The following RARB variants were observed in gnomAD, a reference collection of about 807,000 sequenced individuals.
RARB encodes retinoic acid receptor beta.
Under a neutral mutation model 51.9 loss-of-function variants are expected in RARB, and 17 were observed. The ratio of observed to expected loss-of-function variants is 0.33; its 90% CI spans 0.22 to 0.49. RARB has a LOEUF of 0.49. Among genes scored for constraint, RARB ranks in the 20% least tolerant of loss-of-function variants. The probability of loss-of-function intolerance (pLI) is 0.99; values close to 1 mark genes in which losing one functional copy is unlikely to be tolerated. For missense variants in RARB, 369 were observed against 550.8 expected (o/e 0.67, Z 3.30); for synonymous variants, 215 against 195.4 (o/e 1.10, Z -0.84).
intron 5 of RARB, among the ~76,000 whole-genome samples, chr3:25,251,869 A>T (rs969523682): frequency 6.6e-6 from 1 of 152,122 alleles, no homozygotes; most frequent in Non-Finnish European, 1.5e-5. Flanking sequence ...ATTTTGAAAA[A>T]GTGCAATTTA....
At chr3:25,345,108 G>A (rs916722941) in intron 5 of RARB, among the ~76,000 whole-genome samples, 18 of 152,156 alleles carry the variant, frequency 1.2e-4, no homozygotes, top group African/African-American at 3.1e-4. Flanking sequence ...ATCTGTGGGT[G>A]TTGATTTTCT....
intron 3 of RARB, among the ~76,000 whole-genome samples, chr3:25,512,284 C>T (rs1243920547): frequency 6.6e-6 from 1 of 152,134 alleles, no homozygotes; most frequent in Non-Finnish European, 1.5e-5. Flanking sequence ...TCCTTCCGAC[C>T]CAGTGGTCCC....
At chr3:25,539,532 C>CTCTT (rs750401243) in intron 3 of RARB, among the ~76,000 whole-genome samples, 1 of 102,426 alleles carries the variant, frequency 9.8e-6, no homozygotes. Context: ...CTCTCTCTCT[C>CTCTT]TTTTTTTTTT....
chr3:25,308,790 T>C (rs1278433932), intron 5 of RARB, among the ~76,000 whole-genome samples: 2 of 152,162 alleles, frequency 1.3e-5, no homozygotes, highest in East Asian at 3.9e-4. Flanking sequence ...TCCAATTTAC[T>C]TTTTTTGTTC....
intron 5 of RARB, among the ~76,000 whole-genome samples, chr3:25,255,131 AG>A (rs1443685980): frequency 6.6e-6 from 1 of 152,174 alleles, no homozygotes; most frequent in Non-Finnish European, 1.5e-5. Flanking sequence ...TTTCTTTACT[AG>A]GCATGAGCAT....
At chr3:25,284,789 C>G (rs1703609513) in intron 5 of RARB, among the ~76,000 whole-genome samples, 1 of 152,164 alleles carries the variant, frequency 6.6e-6, no homozygotes, top group South Asian at 2.1e-4. Flanking sequence ...CAAGCAAACA[C>G]AAATCAAAAA....
chr3:25,007,510 C>G (rs1697297033), intron 2 of RARB, among the ~76,000 whole-genome samples: 1 of 145,154 alleles, frequency 6.9e-6, no homozygotes, highest in Non-Finnish European at 1.5e-5. Flanking sequence ...ACCTGTAATC[C>G]CAGCTACCTG....
chr3:25,234,540 T>G (rs2125392293), intron 5 of RARB, among the ~76,000 whole-genome samples: 1 of 152,270 alleles, frequency 6.6e-6, no homozygotes, highest in South Asian at 2.1e-4. Flanking sequence ...ATATCATTTC[T>G]TTCTTTCTTT....
chr3:25,579,259 G>T (rs1389525553), intron 4 of RARB, among the ~76,000 whole-genome samples: 1 of 152,094 alleles, frequency 6.6e-6, no homozygotes, highest in African/African-American at 2.4e-5. Flanking sequence ...TTTTTTAAAG[G>T]TATAGTTTGA....
intron 1 of RARB, among the ~76,000 whole-genome samples, chr3:24,835,545 C>T (rs1290664439): frequency 1.3e-5 from 2 of 152,104 alleles, no homozygotes; most frequent in African/African-American, 4.8e-5. Context: ...GCATTTATTA[C>T]TCACACCCAG....
intron 5 of RARB, among the ~76,000 whole-genome samples, chr3:25,350,625 A>C (rs1156975559): frequency 6.6e-6 from 1 of 151,878 alleles, no homozygotes; most frequent in African/African-American, 2.4e-5. Context: ...CAAATGTAAA[A>C]CTCCCAGGGG....
chr3:25,149,980 T>A (rs1403462320), intron 4 of RARB, among the ~76,000 whole-genome samples: 1 of 152,054 alleles, frequency 6.6e-6, no homozygotes, highest in African/African-American at 2.4e-5. Flanking sequence ...GGTAGGTGGA[T>A]CACCTGAGGT....
chr3:25,440,689 C>G (rs1338518739), intron 1 of RARB, among the ~76,000 whole-genome samples: 2 of 151,996 alleles, frequency 1.3e-5, no homozygotes, highest in Non-Finnish European at 2.9e-5. Context: ...AGGAGAATCG[C>G]TTGAACCGGG....
At chr3:24,995,553 A>T (rs1697003115) in intron 2 of RARB, among the ~76,000 whole-genome samples, 1 of 152,096 alleles carries the variant, frequency 6.6e-6, no homozygotes, top group Admixed American at 6.6e-5. Context: ...TTCAGTTCTT[A>T]GAGGAAAATC....
At chr3:24,928,716 G>A (rs770997722) in intron 2 of RARB, among the ~76,000 whole-genome samples, 29 of 152,006 alleles carry the variant, frequency 1.9e-4, no homozygotes, top group Non-Finnish European at 3.2e-4. Flanking sequence ...ACAGATACTT[G>A]GGGATAATTC....
intron 2 of RARB, among the ~76,000 whole-genome samples, chr3:24,894,713 A>G (rs999195306): frequency 3.3e-5 from 5 of 152,244 alleles, no homozygotes; most frequent in Non-Finnish European, 5.9e-5. Context: ...ATGACAAAAC[A>G]ATACCAATAT....
intron 3 of RARB, among the ~76,000 whole-genome samples, chr3:25,541,157 G>C (rs901102995): frequency 4.6e-5 from 7 of 152,192 alleles, no homozygotes; most frequent in Non-Finnish European, 1.0e-4. Context: ...TTGTGACAGA[G>C]ATGGTATGAC....
rs1696290623 is a variant in RARB at position 24,967,046 on chromosome 3, T to C, written c.-379-93079T>C. 2.0e-5 allele frequency among the ~76,000 whole-genome samples: 3 copies of C among 152,162 alleles called. No individual in the cohort carries two copies. The South Asian group carries it at 6.2e-4, about 32-fold the overall frequency. Reference sequence around the variant, plus strand: ...TTTTATTTACTTTGTGTAGTTTTATTTACTGATTTGAATTAGATACATATA... The same window carrying C: ...TTTTATTTACTTTGTGTAGTTTTATCTACTGATTTGAATTAGATACATATA... On this transcript the variant is annotated intron_variant, in intron 2 of 11. Transcript: ENST00000383772.
intron 4 of RARB, among the ~76,000 whole-genome samples, chr3:25,141,506 T>C (rs1305105100): frequency 6.6e-6 from 1 of 152,106 alleles, no homozygotes; most frequent in Non-Finnish European, 1.5e-5. Flanking sequence ...TCCATGGAAA[T>C]CTTGCCTCCC....
Sources: gnomAD v4.1 joint callset for allele counts (sites outside exome capture counted in the v4.1 genomes callset) on GRCh38, gnomAD v4.1.1 for gene constraint, MANE v1.5 for transcripts, NCBI Gene and HGNC (gene_info 2026-07-23, HGNC 2026-07-21) for gene names.